The following ST6GALNAC3 variants were observed in gnomAD, a reference collection of about 807,000 sequenced individuals.
ST6GALNAC3 encodes the protein ST6 N-acetylgalactosaminide alpha-2,6-sialyltransferase 3, also known as alpha-N-acetylgalactosaminide alpha-2,6-sialyltransferase 3.
Under a neutral mutation model 32.7 loss-of-function variants are expected in ST6GALNAC3, and 25 were observed. The observed-to-expected ratio is 0.76, with a 90% CI of 0.56 to 1.07. The LOEUF (loss-of-function observed/expected upper bound fraction) is 1.07, where lower values mean the gene tolerates loss of function less well. Ranked by LOEUF, ST6GALNAC3 falls within the 50% of genes least tolerant of loss-of-function variation. The pLI, the probability that ST6GALNAC3 is intolerant of heterozygous loss-of-function variation, is 0.00. For synonymous variants in ST6GALNAC3, 129 were observed against 133.1 expected, an observed-to-expected ratio of 0.97 and a Z score of 0.21; for missense variants, 355 against 382.4, an observed-to-expected ratio of 0.93 and a Z score of 0.60.
intron 3 of ST6GALNAC3, among the ~76,000 whole-genome samples, chr1:76,425,933 C>T (rs1205991635): frequency 2.0e-5 from 3 of 151,806 alleles, no homozygotes; most frequent in East Asian, 1.9e-4. Flanking sequence ...GGAGTCAGCC[C>T]AGAAGATGAG....
intron 2 of ST6GALNAC3, among the ~76,000 whole-genome samples, chr1:76,381,216 A>G (rs1021208235): frequency 5.9e-5 from 9 of 151,738 alleles, no homozygotes; most frequent in African/African-American, 1.9e-4. Context: ...TCTTTAGAGA[A>G]CTGTTAGTGT....
chr1:76,205,232 A>AT (rs1654754560), intron 1 of ST6GALNAC3, among the ~76,000 whole-genome samples: 1 of 151,888 alleles, frequency 6.6e-6, no homozygotes, highest in African/African-American at 2.4e-5. Context: ...TGTTTCAGTG[A>AT]TTTTCTCCCT....
At chr1:76,585,558 G>A (rs1175897183) in intron 3 of ST6GALNAC3, among the ~76,000 whole-genome samples, 2 of 152,096 alleles carry the variant, frequency 1.3e-5, no homozygotes, top group Non-Finnish European at 2.9e-5. Flanking sequence ...CACACTGGGT[G>A]GAAGGGCAAA....
At chr1:76,571,722 G>A (rs1665871928) in intron 3 of ST6GALNAC3, among the ~76,000 whole-genome samples, 1 of 152,050 alleles carries the variant, frequency 6.6e-6, no homozygotes, top group African/African-American at 2.4e-5. Flanking sequence ...TAAAGAGTGA[G>A]TGAATTTATT....
At chr1:76,110,662 A>G (rs908761783) in intron 1 of ST6GALNAC3, among the ~76,000 whole-genome samples, 10 of 152,230 alleles carry the variant, frequency 6.6e-5, no homozygotes, top group African/African-American at 2.4e-4. Context: ...GTGTAGACAG[A>G]TTGCAAGTGT....
chr1:76,305,046 A>G (rs1286783181), intron 1 of ST6GALNAC3, among the ~76,000 whole-genome samples: 2 of 152,112 alleles, frequency 1.3e-5, no homozygotes, highest in African/African-American at 4.8e-5. Flanking sequence ...TTTCCTCAAC[A>G]GAATGCCCGG....
intron 1 of ST6GALNAC3, among the ~76,000 whole-genome samples, chr1:76,088,281 G>C (rs1236357773): frequency 6.6e-6 from 1 of 152,126 alleles, no homozygotes; most frequent in African/African-American, 2.4e-5. Flanking sequence ...TTGCCACTTT[G>C]GTGGTCTGTC....
At chr1:76,614,896 T>TG (rs944833203) in intron 3 of ST6GALNAC3, among the ~76,000 whole-genome samples, 2 of 151,556 alleles carry the variant, frequency 1.3e-5, no homozygotes, top group African/African-American at 4.9e-5. Context: ...GGGCTGTGAC[T>TG]GGGGGGTAGG....
At chr1:76,304,611 A>G (rs993928775) in intron 1 of ST6GALNAC3, among the ~76,000 whole-genome samples, 1 of 152,080 alleles carries the variant, frequency 6.6e-6, no homozygotes, top group African/African-American at 2.4e-5. Context: ...AGGACAGGAA[A>G]GGGAGAGATG....
intron 2 of ST6GALNAC3, among the ~76,000 whole-genome samples, chr1:76,403,308 A>C (rs1388399663): frequency 6.6e-6 from 1 of 152,092 alleles, no homozygotes; most frequent in East Asian, 1.9e-4. Context: ...GCTCTTCAAA[A>C]TGTCTGACTT....
intron 3 of ST6GALNAC3, among the ~76,000 whole-genome samples, chr1:76,435,979 C>T (rs1183923746): frequency 1.3e-5 from 2 of 151,988 alleles, no homozygotes; most frequent in Non-Finnish European, 2.9e-5. Context: ...CCAAACAGTA[C>T]ACACTGCACC....
chr1:76,365,702 T>G (rs1403660407), intron 2 of ST6GALNAC3, among the ~76,000 whole-genome samples: 1 of 152,200 alleles, frequency 6.6e-6, no homozygotes, highest in Non-Finnish European at 1.5e-5. Flanking sequence ...TATGTAAAAA[T>G]AAGTCCTAGA....
At chr1:76,472,447 G>A (rs1170483287) in intron 3 of ST6GALNAC3, among the ~76,000 whole-genome samples, 2 of 152,084 alleles carry the variant, frequency 1.3e-5, no homozygotes, top group African/African-American at 2.4e-5. Context: ...AACAATTTTA[G>A]GGAAGTGGTG....
chr1:76,508,587 C>T (rs1661629948), intron 3 of ST6GALNAC3, among the ~76,000 whole-genome samples: 3 of 152,074 alleles, frequency 2.0e-5, no homozygotes, highest in Non-Finnish European at 4.4e-5. Context: ...CGGAGTCTAC[C>T]CCTACAGCCC....
At chr1:76,395,306 G>A (rs573385084) in intron 2 of ST6GALNAC3, among the ~76,000 whole-genome samples, 1 of 152,234 alleles carries the variant, frequency 6.6e-6, no homozygotes, top group South Asian at 2.1e-4. Flanking sequence ...AAATCCAAAG[G>A]TGCCCTGTCA....
intron 1 of ST6GALNAC3, among the ~76,000 whole-genome samples, chr1:76,167,040 A>G (rs547907933): frequency 6.6e-6 from 1 of 152,080 alleles, no homozygotes; most frequent in Non-Finnish European, 1.5e-5. Flanking sequence ...ATACTGTTGA[A>G]TAAGAGTGGT....
At chr1:76,272,338 A>G (rs1422181006) in intron 1 of ST6GALNAC3, among the ~76,000 whole-genome samples, 2 of 151,922 alleles carry the variant, frequency 1.3e-5, no homozygotes, top group Admixed American at 6.6e-5. Flanking sequence ...AAAAAAAAAA[A>G]AAAAAAATTA....
chr1:76,584,654 A>G (rs535879984), intron 3 of ST6GALNAC3, among the ~76,000 whole-genome samples: 1 of 152,332 alleles, frequency 6.6e-6, no homozygotes, highest in African/African-American at 2.4e-5. Context: ...TAGGAGAAAC[A>G]AGATCTAAAA....
At chr1:76,250,000 A>G (rs1657521053) in intron 1 of ST6GALNAC3, among the ~76,000 whole-genome samples, 1 of 152,174 alleles carries the variant, frequency 6.6e-6, no homozygotes, top group Non-Finnish European at 1.5e-5. Context: ...TCTGTAATAT[A>G]AGTTCCTTAT....
Sources: gnomAD v4.1 joint callset for allele counts (sites outside exome capture counted in the v4.1 genomes callset) on GRCh38, gnomAD v4.1.1 for gene constraint, MANE v1.5 for transcripts, NCBI Gene and HGNC (gene_info 2026-07-23, HGNC 2026-07-21) for gene names.